FOXP1: variants seen among roughly 807,000 people sequenced by gnomAD.
FOXP1 encodes the protein forkhead box P1.
A neutral mutation model predicts 98.2 loss-of-function variants in FOXP1; 15 were observed. The ratio of observed to expected loss-of-function variants is 0.15; its 90% CI spans 0.10 to 0.24. The LOEUF is 0.24. FOXP1 is among the 10% of genes least tolerant of loss of function. FOXP1 has a pLI of 1.00. For synonymous variants in FOXP1, 371 were observed against 314.5 expected (o/e 1.18, Z -1.90); for missense variants, 633 against 848.5 (o/e 0.75, Z 3.15).
At chr3:71,205,951 T>A (rs896450393) in intron 5 of FOXP1, among the ~76,000 whole-genome samples, 1 of 152,232 alleles carries the variant, frequency 6.6e-6, no homozygotes, top group Non-Finnish European at 1.5e-5. Context: ...AGGAACTAAC[T>A]TGTATTTATC....
intron 7 of FOXP1, among the ~76,000 whole-genome samples, chr3:71,079,260 C>T (rs199875013): frequency 6.6e-6 from 1 of 152,220 alleles, no homozygotes; most frequent in Non-Finnish European, 1.5e-5. Flanking sequence ...CCCTGCCCCC[C>T]ACCTAGGTCT....
intron 3 of FOXP1, among the ~76,000 whole-genome samples, chr3:71,407,525 T>G (rs1415044867): frequency 6.6e-6 from 1 of 152,298 alleles, no homozygotes; most frequent in Admixed American, 6.5e-5. Flanking sequence ...GTTTCTTAAG[T>G]CTGAGTAAAC....
At chr3:71,139,419 C>T (rs934939591) in intron 6 of FOXP1, among the ~76,000 whole-genome samples, 1 of 151,940 alleles carries the variant, frequency 6.6e-6, no homozygotes, top group African/African-American at 2.4e-5. Flanking sequence ...ACAGAAGCTG[C>T]CTCAATTCTT....
At chr3:71,030,154 C>G (rs1284038685) in intron 11 of FOXP1, among the ~76,000 whole-genome samples, 1 of 152,124 alleles carries the variant, frequency 6.6e-6, no homozygotes, top group African/African-American at 2.4e-5. Context: ...TAGGTTAAAC[C>G]CTTCTCTACC....
At chr3:71,582,596 C>A in intron 1 of FOXP1, 1 of 985,468 alleles carries the variant, frequency 1.0e-6, no homozygotes, top group South Asian at 4.7e-5. Context: ...ATCTCCCCGT[C>A]CCCCAAGCTT....
intron 3 of FOXP1, among the ~76,000 whole-genome samples, chr3:71,455,238 G>T (rs570201239): frequency 6.6e-6 from 1 of 152,008 alleles, no homozygotes; most frequent in African/African-American, 2.4e-5. Flanking sequence ...CATCCCCCCC[G>T]CCGTCTGAAA....
At chr3:71,093,858 T>C (rs1422811961) in intron 7 of FOXP1, among the ~76,000 whole-genome samples, 1 of 152,182 alleles carries the variant, frequency 6.6e-6, no homozygotes, top group Admixed American at 6.5e-5. Context: ...TTAGATATTG[T>C]TGATGGTGAT....
rs151143695 is a variant in FOXP1 at position 71,381,307 on chromosome 3, C to T, written c.-167-22063G>A. 4.6e-3 allele frequency among the ~76,000 whole-genome samples: 698 copies of T among 152,122 alleles called. 7 individuals are homozygous for T. The highest frequency in any genetic ancestry group is 8.6e-3 in the Admixed American group (131 of 15,280). ...CTGGAACTACAGGCGCCTGCCACCGCGCCCGGCTAATTTTTTGCATTTTTA... is the reference window on the plus strand; with the variant it reads ...CTGGAACTACAGGCGCCTGCCACCGTGCCCGGCTAATTTTTTGCATTTTTA... On this transcript the variant is annotated intron_variant, in intron 3 of 20. Transcript: ENST00000649528.
chr3:71,251,452 T>C (rs188918103), intron 5 of FOXP1, among the ~76,000 whole-genome samples: 1 of 152,218 alleles, frequency 6.6e-6, no homozygotes, highest in Non-Finnish European at 1.5e-5. Context: ...TGTAACAAAG[T>C]GACTGTAAAA....
intron 6 of FOXP1, among the ~76,000 whole-genome samples, chr3:71,197,327 A>G (rs924902502): frequency 1.3e-5 from 2 of 152,188 alleles, no homozygotes; most frequent in Non-Finnish European, 2.9e-5. Flanking sequence ...AAGCCTAATA[A>G]TATTTCCTGA....
At chr3:71,445,519 G>A (rs1461412269) in intron 3 of FOXP1, among the ~76,000 whole-genome samples, 1 of 152,064 alleles carries the variant, frequency 6.6e-6, no homozygotes, top group Non-Finnish European at 1.5e-5. Flanking sequence ...TTTCAACCAA[G>A]TCAATTTGCC....
chr3:71,441,340 C>G (rs1203685534), intron 3 of FOXP1, among the ~76,000 whole-genome samples: 3 of 152,240 alleles, frequency 2.0e-5, no homozygotes, highest in East Asian at 1.9e-4. Context: ...GGCAAGGATG[C>G]TGCTACACAT....
intron 5 of FOXP1, among the ~76,000 whole-genome samples, chr3:71,244,655 T>G (rs2067574304): frequency 6.6e-6 from 1 of 151,840 alleles, no homozygotes; most frequent in East Asian, 1.9e-4. Context: ...CACCAGTGAG[T>G]ACACACCTCT....
intron 5 of FOXP1, among the ~76,000 whole-genome samples, chr3:71,216,763 T>A (rs1426854869): frequency 6.6e-6 from 1 of 151,832 alleles, no homozygotes; most frequent in African/African-American, 2.4e-5. Flanking sequence ...AAAAAAAAAA[T>A]CAGGGAAAAA....
chr3:71,249,059 GA>G (rs1166685825), intron 5 of FOXP1, among the ~76,000 whole-genome samples: 1 of 152,210 alleles, frequency 6.6e-6, no homozygotes, highest in Non-Finnish European at 1.5e-5. Context: ...GGAAACCCAG[GA>G]GGAACCAAAG....
At chr3:71,094,856 G>T (rs1027538556) in intron 7 of FOXP1, among the ~76,000 whole-genome samples, 1 of 152,210 alleles carries the variant, frequency 6.6e-6, no homozygotes. Context: ...CATCAGCTGA[G>T]CAGACAGATG....
At chr3:70,991,485 C>T (rs1025475572) in intron 13 of FOXP1, among the ~76,000 whole-genome samples, 1 of 152,136 alleles carries the variant, frequency 6.6e-6, no homozygotes, top group African/African-American at 2.4e-5. Flanking sequence ...ATCTTAAACT[C>T]ATTATTTTAA....
At chr3:71,009,817 T>C (rs1003502541) in intron 12 of FOXP1, among the ~76,000 whole-genome samples, 3 of 152,080 alleles carry the variant, frequency 2.0e-5, no homozygotes, top group African/African-American at 4.8e-5. Context: ...GGCATTATCA[T>C]AGCTCACTGC....
chr3:71,516,443 A>G (rs1450964132), intron 2 of FOXP1, among the ~76,000 whole-genome samples: 1 of 152,256 alleles, frequency 6.6e-6, no homozygotes, highest in Non-Finnish European at 1.5e-5. Flanking sequence ...TAAGTTTGCA[A>G]TTATACCAAA....
Sources: gnomAD v4.1 joint callset for allele counts (sites outside exome capture counted in the v4.1 genomes callset) on GRCh38, gnomAD v4.1.1 for gene constraint, MANE v1.5 for transcripts, NCBI Gene and HGNC (gene_info 2026-07-23, HGNC 2026-07-21) for gene names.